S100A8: variants seen among roughly 807,000 people sequenced by gnomAD.
The protein encoded by S100A8 is protein S100-A8.
In S100A8, 1 loss-of-function variant was observed where a neutral mutation model predicts 4.2. The ratio of observed to expected loss-of-function variants is 0.24; its 90% confidence interval spans 0.08 to 1.12. The LOEUF (loss-of-function observed/expected upper bound fraction) is 1.12. Among genes scored for constraint, S100A8 ranks in the 50% most tolerant of loss-of-function variants. The pLI is 0.53. For synonymous variants in S100A8, 41 were observed against 44.7 expected, an observed-to-expected ratio of 0.92 and a Z score of 0.33; for missense variants, 96 against 111.8, an observed-to-expected ratio of 0.86 and a Z score of 0.64.
At chr1:153,404,187 C>A in the S100A8 span, among the ~76,000 whole-genome samples, 1 of 152,208 alleles carries the variant, frequency 6.6e-6, no homozygotes, top group African/African-American at 2.4e-5. Context: ...ACCCTTCCGG[C>A]ACCCCACCTG....
At chr1:153,401,350 C>T in the S100A8 span, among the ~76,000 whole-genome samples, 15 of 152,190 alleles carry the variant, frequency 9.9e-5, no homozygotes, top group East Asian at 5.8e-4. Context: ...AGAAAGGGGG[C>T]GGAAATGAAT....
intron 1 of S100A8, chr1:153,390,773 C>A (rs975937056): frequency 3.2e-6 from 2 of 621,914 alleles, no homozygotes; most frequent in Non-Finnish European, 5.3e-6. Flanking sequence ...GAGACATGTG[C>A]ACACACACGG....
upstream of S100A8, among the ~76,000 whole-genome samples, chr1:153,394,356 T>A (rs578087975): frequency 1.5e-4 from 23 of 152,242 alleles, no homozygotes; most frequent in African/African-American, 4.8e-4. Flanking sequence ...CAGGTATTTC[T>A]CCCCTGGGCC....
At chr1:153,393,583 T>G (rs1270976524), upstream of S100A8, among the ~76,000 whole-genome samples, 1 of 152,228 alleles carries the variant, frequency 6.6e-6, no homozygotes, top group Non-Finnish European at 1.5e-5. Flanking sequence ...AAATGCAGTC[T>G]GACTTCCTTG....
chr1:153,397,213 A>G, the S100A8 span, among the ~76,000 whole-genome samples: 1,094 of 152,338 alleles, frequency 7.2e-3, 6 homozygotes, highest in African/African-American at 0.025. Flanking sequence ...GAGCTCCCCA[A>G]GAGCAGAGTC....
At chr1:153,408,691 T>A in the S100A8 span, among the ~76,000 whole-genome samples, 2 of 151,986 alleles carry the variant, frequency 1.3e-5, no homozygotes, top group Admixed American at 6.5e-5. Context: ...TCACCAAAGT[T>A]GAAATGAAGG....
chr1:153,416,350 G>A, the S100A8 span, among the ~76,000 whole-genome samples: 5 of 152,192 alleles, frequency 3.3e-5, no homozygotes, highest in African/African-American at 1.2e-4. Context: ...GTGGGACCTG[G>A]TGACCTGGGA....
chr1:153,414,809 T>G, the S100A8 span, among the ~76,000 whole-genome samples: 8 of 152,236 alleles, frequency 5.3e-5, no homozygotes, highest in Non-Finnish European at 8.8e-5. Context: ...AAAACCTGCA[T>G]ACACATGTAT....
At chr1:153,407,414 TG>T in the S100A8 span, among the ~76,000 whole-genome samples, 6 of 152,186 alleles carry the variant, frequency 3.9e-5, no homozygotes, top group Non-Finnish European at 5.9e-5. Flanking sequence ...GCAGTGAGGC[TG>T]GGGGCAGGGT....
the S100A8 span, among the ~76,000 whole-genome samples, chr1:153,401,408 A>T: frequency 6.6e-6 from 1 of 152,204 alleles, no homozygotes; most frequent in African/African-American, 2.4e-5. Flanking sequence ...AGGTGGAGAC[A>T]GACATTTGGC....
chr1:153,410,444 C>T, the S100A8 span, among the ~76,000 whole-genome samples: 1 of 152,072 alleles, frequency 6.6e-6, no homozygotes, highest in African/African-American at 2.4e-5. Context: ...AAGTTGAATT[C>T]CTGAATAGAC....
At chr1:153,397,684 A>C in the S100A8 span, among the ~76,000 whole-genome samples, 1 of 151,990 alleles carries the variant, frequency 6.6e-6, no homozygotes, top group Non-Finnish European at 1.5e-5. Flanking sequence ...CATCTGGGGG[A>C]AGCAGCTGTG....
the S100A8 span, among the ~76,000 whole-genome samples, chr1:153,402,313 T>C: frequency 6.6e-6 from 1 of 152,200 alleles, no homozygotes; most frequent in Non-Finnish European, 1.5e-5. Context: ...CAGCTAGTAA[T>C]GCAGAGGCAC....
chr1:153,397,357 A>C, the S100A8 span, among the ~76,000 whole-genome samples: 20,338 of 152,144 alleles, frequency 0.13, 1,465 homozygotes, highest in African/African-American at 0.2. Context: ...GAACCTCTGA[A>C]CCCCTGGGTG....
chr1:153,390,973 G>C lies in S100A8; in HGVS notation c.-23+68C>G, dbSNP rs956199322. On this transcript the variant is annotated intron_variant, in intron 1 of 2. Transcript: ENST00000368733. ...TTCTCTCTCCTCTCTCAGGAAGGCTGCTCCACTTCCCTGACCCTCCCCAAG... is the reference window on the plus strand; with the variant it reads ...TTCTCTCTCCTCTCTCAGGAAGGCTCCTCCACTTCCCTGACCCTCCCCAAG... 67 of 973,536 alleles carry C rather than the reference G, an allele frequency of 6.9e-5. 1 individual carries two copies. Among genetic ancestry groups the C allele is most frequent in the Admixed American group, 2.3e-4 (4 of 17,084 alleles). The allele number at this position is 973,536 out of a possible 1,614,324, so 60.3% of individuals were successfully genotyped here. A position where few individuals can be genotyped will look rare whatever the true frequency, so the allele number is the denominator to read the frequency against.
upstream of S100A8, among the ~76,000 whole-genome samples, chr1:153,395,271 C>T (rs571760425): frequency 1.1e-4 from 16 of 152,320 alleles, no homozygotes; most frequent in East Asian, 2.9e-3. Flanking sequence ...TTGCTCTTCC[C>T]TTAACATGTG....
the S100A8 span, among the ~76,000 whole-genome samples, chr1:153,400,950 G>A: frequency 6.6e-6 from 1 of 152,186 alleles, no homozygotes; most frequent in Non-Finnish European, 1.5e-5. Flanking sequence ...ACAGCTTGTT[G>A]TTTAGAAGAA....
chr1:153,416,772 C>T, the S100A8 span, among the ~76,000 whole-genome samples: 1 of 152,224 alleles, frequency 6.6e-6, no homozygotes, highest in Non-Finnish European at 1.5e-5. Context: ...GTCCATTGCT[C>T]CTTTGGGATC....
chr1:153,410,226 C>A, the S100A8 span, among the ~76,000 whole-genome samples: 3 of 152,064 alleles, frequency 2.0e-5, no homozygotes, highest in Non-Finnish European at 2.9e-5. Context: ...AATTGATAGA[C>A]CACTAGCAAG....
Sources: gnomAD v4.1 joint callset for allele counts (sites outside exome capture counted in the v4.1 genomes callset) on GRCh38, gnomAD v4.1.1 for gene constraint, MANE v1.5 for transcripts, NCBI Gene and HGNC (gene_info 2026-07-23, HGNC 2026-07-21) for gene names.